The following CAMK1D variants were observed in gnomAD, a reference collection of about 807,000 sequenced individuals.
CAMK1D encodes calcium/calmodulin-dependent protein kinase type 1D.
In CAMK1D, 9 loss-of-function variants were observed where a neutral mutation model predicts 47.7. That is an observed-to-expected ratio of 0.19 (90% CI 0.11 to 0.33). The LOEUF (loss-of-function observed/expected upper bound fraction) is 0.33, where lower values mean the gene tolerates loss of function less well. CAMK1D is among the 10% of genes least tolerant of loss of function. The pLI, the probability that CAMK1D is intolerant of heterozygous loss-of-function variation, is 1.00. For synonymous variants in CAMK1D, 184 were observed against 184.9 expected (o/e 0.99, Z 0.04); for missense variants, 291 against 488.7 (o/e 0.60, Z 3.81).
intron 1 of CAMK1D, among the ~76,000 whole-genome samples, chr10:12,382,689 G>A (rs1838378566): frequency 6.6e-6 from 1 of 152,068 alleles, no homozygotes; most frequent in Non-Finnish European, 1.5e-5. Context: ...GCTGGGCGTG[G>A]TGGCGGACCT....
chr10:12,468,461 T>C (rs531277738), intron 1 of CAMK1D, among the ~76,000 whole-genome samples: 33 of 152,164 alleles, frequency 2.2e-4, no homozygotes, highest in Non-Finnish European at 4.3e-4. Context: ...GAACTAGAAC[T>C]TTCTGGGCAT....
intron 6 of CAMK1D, among the ~76,000 whole-genome samples, chr10:12,803,879 C>T (rs1838595638): frequency 6.6e-6 from 1 of 152,168 alleles, no homozygotes; most frequent in Non-Finnish European, 1.5e-5. Flanking sequence ...TTGAAAAGCA[C>T]TTCTTCAAAC....
At chr10:12,667,957 C>G (rs1323357156) in intron 3 of CAMK1D, among the ~76,000 whole-genome samples, 1 of 152,182 alleles carries the variant, frequency 6.6e-6, no homozygotes, top group African/African-American at 2.4e-5. Flanking sequence ...TATGATTTCT[C>G]TCTGTCAAAT....
intron 1 of CAMK1D, among the ~76,000 whole-genome samples, chr10:12,355,832 C>G (rs2131833676): frequency 6.6e-6 from 1 of 152,256 alleles, no homozygotes. Flanking sequence ...AGAATGCCTG[C>G]TCTCCTGGAG....
At chr10:12,473,374 C>T (rs192375575) in intron 1 of CAMK1D, among the ~76,000 whole-genome samples, 1 of 152,112 alleles carries the variant, frequency 6.6e-6, no homozygotes, top group Non-Finnish European at 1.5e-5. Context: ...GTGGAAGTTG[C>T]AGTGAGCTGA....
At chr10:12,383,171 T>A (rs186230116) in intron 1 of CAMK1D, among the ~76,000 whole-genome samples, 361 of 152,298 alleles carry the variant, frequency 2.4e-3, no homozygotes, top group African/African-American at 7.4e-3. Flanking sequence ...TCTGAAGTAT[T>A]TGGTACTAAA....
At chr10:12,522,172 G>T (rs1186196259) in intron 1 of CAMK1D, among the ~76,000 whole-genome samples, 3 of 136,944 alleles carry the variant, frequency 2.2e-5, no homozygotes, top group African/African-American at 2.7e-5. Flanking sequence ...GCCTTCTTTT[G>T]TGTTATATGA....
At position 12,590,016 on chromosome 10, in the gene CAMK1D, TA is replaced by T. The variant is rs1327530308; in HGVS notation, c.224+36662del. 6.6e-5 allele frequency among the ~76,000 whole-genome samples: 10 copies of T among 152,276 alleles called. No individual in the cohort carries two copies. In the East Asian group the frequency reaches 1.9e-3, roughly 29 times the overall value. On this transcript the variant is annotated intron_variant, in intron 2 of 10. Transcript: ENST00000619168. ...GCAAGCTCAAGTTCTTTGCCAATTA[TA>T]ATATGCTAAAAACACAACCGCAAGC...
rs188551825 is a variant in CAMK1D at position 12,672,626 on chromosome 10, C to T, written c.299+5816C>T. On this transcript the variant is annotated intron_variant, in intron 3 of 10. Transcript: ENST00000619168. The stretch of plus-strand genomic sequence containing the variant: ...CCTCAAGTGATCCACCCACCTCAGC[C>T]TCCCAAGGTGCTGGGATTACAGACG... 2.1e-3 allele frequency among the ~76,000 whole-genome samples: 315 copies of T among 152,198 alleles called. 1 individual carries two copies. In the Middle Eastern group the frequency reaches 0.034, roughly 16 times the overall value.
intron 1 of CAMK1D, among the ~76,000 whole-genome samples, chr10:12,383,455 GA>G (rs748508099): frequency 1.3e-5 from 2 of 152,178 alleles, no homozygotes; most frequent in Non-Finnish European, 2.9e-5. Context: ...AAATTGACAT[GA>G]ATGTCCATTG....
In CAMK1D at chr10:12,828,777, C is replaced by G. The variant is rs762520208; in HGVS notation, c.1048C>G (p.Pro350Ala). The G allele has an allele frequency of 1.2e-6, 2 of 1,613,604 alleles. No individual in the cohort carries two copies. The highest frequency in any genetic ancestry group is 8.5e-7 in the Non-Finnish European group (1 of 1,179,670). ...TCTGCTGTTCCCTGCAGGTCTGGCA[C>G]CTTCCACGCTCTGTAGTTTCATTTC... ...SLASQKDCLA[P>A]STLCSFISSS... Residue 350 changes from proline (P) to alanine (A), a missense_variant, in exon 11 of 11, where the codon CCT becomes GCT. By Grantham distance (27) the Pro-to-Ala change is conservative. This residue lies in a region of CAMK1D where 72 missense variants were observed against 64.4 expected (regional missense o/e 1.12). Transcript: ENST00000619168.
intron 1 of CAMK1D, among the ~76,000 whole-genome samples, chr10:12,530,164 G>A (rs964466734): frequency 6.6e-6 from 1 of 152,158 alleles, no homozygotes; most frequent in Non-Finnish European, 1.5e-5. Context: ...AGGTCTGGCC[G>A]GCTCCCAAGG....
chr10:12,363,115 A>G (rs1046029022), intron 1 of CAMK1D, among the ~76,000 whole-genome samples: 47 of 149,210 alleles, frequency 3.1e-4, no homozygotes, highest in Non-Finnish European at 5.5e-4. Flanking sequence ...TAATTTTTGT[A>G]TTTTTAGTGA....
intron 5 of CAMK1D, among the ~76,000 whole-genome samples, chr10:12,777,236 G>A (rs886799457): frequency 2.0e-5 from 3 of 152,172 alleles, no homozygotes; most frequent in Non-Finnish European, 4.4e-5. Flanking sequence ...GGGGCAGTGG[G>A]TGAAGTAGAA....
chr10:12,490,417 G>A (rs890115409), intron 1 of CAMK1D, among the ~76,000 whole-genome samples: 1 of 152,176 alleles, frequency 6.6e-6, no homozygotes, highest in African/African-American at 2.4e-5. Flanking sequence ...AGACAGGATA[G>A]TGATATGGGA....
At position 12,540,956 on chromosome 10, in the gene CAMK1D, A is replaced by G. The variant is rs572341618; in HGVS notation, c.93-12269A>G. ...TTTTTTTTTAAGAAAAAGAATTTCGATACTTTTAGCTTAAGCGTTAGCATA... is the reference window on the plus strand; with the variant it reads ...TTTTTTTTTAAGAAAAAGAATTTCGGTACTTTTAGCTTAAGCGTTAGCATA... On this transcript the variant is annotated intron_variant, in intron 1 of 10. Coordinates refer to ENST00000619168, the MANE Select transcript of CAMK1D (RefSeq NM_153498.4). 2.0e-5 allele frequency among the ~76,000 whole-genome samples: 3 copies of G among 149,362 alleles called. No homozygotes were observed. The East Asian group carries it at 5.8e-4, about 29-fold the overall frequency.
rs1341910152 is a variant in CAMK1D, at chr10:12,632,780, C to T, written c.225-33956C>T. Among the ~76,000 whole-genome samples, 2 of 152,016 alleles carry T rather than the reference C, an allele frequency of 1.3e-5. 1 individual carries two copies. Among genetic ancestry groups the T allele is most frequent in the South Asian group, 4.2e-4 (2 of 4,816 alleles). On this transcript the variant is annotated intron_variant, in intron 2 of 10. Transcript: ENST00000619168. The stretch of plus-strand genomic sequence containing the variant: ...CATGATCTCGGCTCCCTGCAACCTC[C>T]AACTCCCTGGTTCAAACGATTCTCT...
intron 3 of CAMK1D, among the ~76,000 whole-genome samples, chr10:12,705,038 TAC>T (rs1481902682): frequency 6.6e-6 from 1 of 152,178 alleles, no homozygotes; most frequent in Admixed American, 6.5e-5. Context: ...TTAGTTGACA[TAC>T]ACACTGCTTA....
At chr10:12,564,587 T>A (rs1047590788) in intron 2 of CAMK1D, among the ~76,000 whole-genome samples, 1 of 152,192 alleles carries the variant, frequency 6.6e-6, no homozygotes, top group Non-Finnish European at 1.5e-5. Flanking sequence ...TGATGATTGG[T>A]CTGAAGCCAG....
Sources: gnomAD v4.1 joint callset for allele counts (sites outside exome capture counted in the v4.1 genomes callset) on GRCh38, gnomAD v4.1.1 for gene constraint, gnomAD v4.1.1 regional missense constraint, MANE v1.5 for transcripts, NCBI Gene and HGNC (gene_info 2026-07-23, HGNC 2026-07-21) for gene names.